Variants in WRN observed in about 807,000 individuals in gnomAD.
The protein encoded by WRN is WRN RecQ like helicase.
Under a neutral mutation model 180.7 loss-of-function variants are expected in WRN, and 149 were observed. The ratio of observed to expected loss-of-function variants is 0.82; its 90% CI spans 0.72 to 0.94. WRN has a LOEUF of 0.94. WRN is among the 40% of genes least tolerant of loss of function. The pLI, the probability that WRN is intolerant of heterozygous loss-of-function variation, is 0.00. For synonymous variants in WRN, 548 were observed against 568.9 expected (o/e 0.96, Z 0.52); for missense variants, 1,661 against 1,700.1 (o/e 0.98, Z 0.40).
intron 23 of WRN, 140 bp from the exon 24 acceptor site, chr8:31,132,225 A>C (rs904705547): frequency 2.0e-6 from 2 of 992,234 alleles, no homozygotes; most frequent in Non-Finnish European, 2.9e-6. Context: ...CTCGGGTATA[A>C]TGAACTTTAT....
chr8:31,159,058 G>A (rs1803503239), intron 33 of WRN, among the ~76,000 whole-genome samples: 1 of 152,004 alleles, frequency 6.6e-6, no homozygotes, highest in Non-Finnish European at 1.5e-5. Context: ...CAGCACTTTG[G>A]GAGACCTAGA....
At position 31,166,887 on chromosome 8, in the gene WRN, A is replaced by C. The variant is rs1585549547; in HGVS notation, c.3983-135A>C. ...ATTTCCATTCCGTAAGGCTATAGGC[A>C]TTTGAAAGAGGAAACTTTTCTTTGG... On this transcript the variant is annotated intron_variant, in intron 33 of 34. Transcript: ENST00000298139. 21 of 831,710 alleles carry C rather than the reference A, an allele frequency of 2.5e-5. No homozygotes were observed. The East Asian group carries it at 5.4e-4, about 21-fold the overall frequency. The allele number at this position is 831,710 out of a possible 1,614,324, so 51.5% of individuals were successfully genotyped here.
At chr8:31,099,014 C>T (rs1382471772) in intron 17 of WRN, among the ~76,000 whole-genome samples, 1 of 148,560 alleles carries the variant, frequency 6.7e-6, no homozygotes, top group African/African-American at 2.5e-5. Context: ...GACCCCATCT[C>T]TGAAAAAAAA....
At chr8:31,117,437 C>T (rs963132763) in intron 20 of WRN, among the ~76,000 whole-genome samples, 3 of 152,122 alleles carry the variant, frequency 2.0e-5, no homozygotes, top group Non-Finnish European at 2.9e-5. Flanking sequence ...GAAAGGGTAT[C>T]GATGCAGCTA....
chr8:31,037,290 G>A (rs1043970721), intron 1 of WRN, among the ~76,000 whole-genome samples: 5 of 152,200 alleles, frequency 3.3e-5, no homozygotes, highest in South Asian at 2.1e-4. Context: ...TAATGCCACC[G>A]TTGATGTGTC....
intron 17 of WRN, among the ~76,000 whole-genome samples, chr8:31,098,913 T>G (rs1195623878): frequency 6.6e-6 from 1 of 152,104 alleles, no homozygotes; most frequent in African/African-American, 2.4e-5. Context: ...AGACCATCAT[T>G]CTGTTTTAAC....
intron 31 of WRN, among the ~76,000 whole-genome samples, chr8:31,153,146 T>A (rs1440136710): frequency 6.6e-6 from 1 of 152,194 alleles, no homozygotes; most frequent in African/African-American, 2.4e-5. Flanking sequence ...AGTGAAACTG[T>A]CTAGTTGTAT....
chr8:31,117,998 C>A (rs1801583697), intron 20 of WRN, among the ~76,000 whole-genome samples: 2 of 152,124 alleles, frequency 1.3e-5, no homozygotes, highest in Non-Finnish European at 2.9e-5. Context: ...AATCTTCAAG[C>A]CATTAACTGA....
intron 18 of WRN, among the ~76,000 whole-genome samples, chr8:31,104,388 T>C (rs1801009386): frequency 1.3e-5 from 2 of 152,228 alleles, no homozygotes; most frequent in Admixed American, 6.5e-5. Context: ...TGTTTTTTTC[T>C]GTTGAGTTTT....
chr8:31,075,499 C>T (rs1475135942), intron 7 of WRN, among the ~76,000 whole-genome samples: 1 of 151,696 alleles, frequency 6.6e-6, no homozygotes, highest in Non-Finnish European at 1.5e-5. Context: ...ATCCCTTAGG[C>T]CAGAAGTTGG....
intron 34 of WRN, chr8:31,171,700 C>T (rs563933769): frequency 2.1e-4 from 32 of 152,192 alleles, no homozygotes; most frequent in African/African-American, 6.5e-4. Context: ...AAGTTTTTAC[C>T]TTTTTTAAAT....
chr8:31,141,538 G>A lies in WRN; in HGVS notation c.3076G>A (p.Gly1026Arg), dbSNP rs1383716461. ...KAFSRQLITE[G>R]FLVEVSRYNK... ...TTTTTCCCGTCAGCTGATCACTGAGGGATTCTTGGTAGAAGTTTCTCGGTA... is the reference window on the plus strand; with the variant it reads ...TTTTTCCCGTCAGCTGATCACTGAGAGATTCTTGGTAGAAGTTTCTCGGTA... Residue 1026 changes from glycine to arginine, a missense_variant, in exon 25 of 35, where the codon GGA (glycine) becomes AGA (arginine). Coordinates refer to ENST00000298139, the MANE Select transcript of WRN (RefSeq NM_000553.6). 6.2e-7 allele frequency: 1 copy of A among 1,613,852 alleles called. No individual in the cohort carries two copies. The highest frequency in any genetic ancestry group is 8.5e-7 in the Non-Finnish European group (1 of 1,179,992).
Position 31,067,392 on chromosome 8 carries a change from T to C in WRN, c.654+210T>C, listed in dbSNP as rs114641318. ...TACCAATCAACAGATTGTTCAATGC[T>C]AGTTTATTTTCATTGTCATGAAGCC... On this transcript the variant is annotated intron_variant, in intron 6 of 34. Transcript: ENST00000298139. Among the ~76,000 whole-genome samples the C allele has an allele frequency of 6.1e-3, 930 of 152,324 alleles. 12 individuals carry two copies. Among genetic ancestry groups the C allele is most frequent in the African/African-American group, 0.022 (895 of 41,580 alleles).
intron 7 of WRN, among the ~76,000 whole-genome samples, chr8:31,073,954 T>G (rs1460759658): frequency 2.0e-5 from 3 of 151,800 alleles, no homozygotes; most frequent in African/African-American, 7.3e-5. Context: ...TCTTGCTCAG[T>G]CACCCAGGCT....
intron 1 of WRN, among the ~76,000 whole-genome samples, chr8:31,035,114 G>A (rs1811400006): frequency 6.6e-6 from 1 of 152,000 alleles, no homozygotes; most frequent in Non-Finnish European, 1.5e-5. Context: ...TGTTTATTAA[G>A]GACTGCTCTA....
chr8:31,040,589 C>T (rs528275745), intron 1 of WRN, among the ~76,000 whole-genome samples: 3 of 152,292 alleles, frequency 2.0e-5, no homozygotes, highest in Admixed American at 1.3e-4. Context: ...TTAATTGTGT[C>T]ACTTACTGCC....
chr8:31,087,095 G>A (rs891870005), intron 11 of WRN, among the ~76,000 whole-genome samples: 4 of 151,326 alleles, frequency 2.6e-5, no homozygotes, highest in African/African-American at 9.7e-5. Context: ...TTAAATAAAA[G>A]ATTTAATAAA....
At chr8:31,129,598 A>G (rs73583759) in intron 23 of WRN, among the ~76,000 whole-genome samples, 4,842 of 152,304 alleles carry the variant, frequency 0.032, 253 homozygotes, top group African/African-American at 0.11. Flanking sequence ...TAAATAATTC[A>G]TATTCAAAGA....
chr8:31,163,330 A>G (rs757005287), intron 33 of WRN, among the ~76,000 whole-genome samples: 1 of 152,230 alleles, frequency 6.6e-6, no homozygotes, highest in Non-Finnish European at 1.5e-5. Context: ...TGTAGGCACA[A>G]AGTTATCGAA....
Sources: gnomAD v4.1 joint callset for allele counts (sites outside exome capture counted in the v4.1 genomes callset) on GRCh38, gnomAD v4.1.1 for gene constraint, MANE v1.5 for transcripts, NCBI Gene and HGNC (gene_info 2026-07-23, HGNC 2026-07-21) for gene names.